The following UVSSA variants were observed in gnomAD, a reference collection of about 807,000 sequenced individuals.
UVSSA encodes UV-stimulated scaffold protein A.
UVSSA carries 72 observed loss-of-function variants against 73.9 expected under a neutral mutation model. That is an observed-to-expected ratio of 0.97 (90% CI 0.81 to 1.19). The LOEUF (loss-of-function observed/expected upper bound fraction) is 1.19. Ranked by LOEUF, UVSSA falls within the 50% of genes most tolerant of loss-of-function variation. The pLI is 0.00. For synonymous variants in UVSSA, 454 were observed against 391.3 expected (o/e 1.16, Z -1.89); for missense variants, 1,150 against 965.0 (o/e 1.19, Z -2.54).
chr4:1,373,636 G>A (rs1023855100), intron 8 of UVSSA, among the ~76,000 whole-genome samples: 1 of 152,154 alleles, frequency 6.6e-6, no homozygotes, highest in African/African-American at 2.4e-5. Context: ...CTCTCAGTGA[G>A]CCTTCCAATT....
At chr4:1,380,340 A>G in intron 11 of UVSSA, 110 bp downstream of exon 11, 4 of 1,343,026 alleles carry the variant, frequency 3.0e-6, no homozygotes, top group Non-Finnish European at 4.0e-6. Flanking sequence ...GCTTGTGAGC[A>G]CTGAGAAGCC....
chr4:1,343,702 G>A (rs1713510690), upstream of UVSSA, among the ~76,000 whole-genome samples: 2 of 152,000 alleles, frequency 1.3e-5, no homozygotes, highest in African/African-American at 2.4e-5. Flanking sequence ...CAGGAAAATC[G>A]CTTGAACCCA....
rs115526014 is a variant in UVSSA, at chr4:1,365,539, G to A, written c.1177-781G>A. Among the ~76,000 whole-genome samples, 410 of 152,342 alleles carry A rather than the reference G, an allele frequency of 2.7e-3. 1 individual carries two copies. Among genetic ancestry groups the A allele is most frequent in the African/African-American group, 9.4e-3 (392 of 41,572 alleles). On this transcript the variant is annotated intron_variant, in intron 7 of 13. Coordinates refer to ENST00000389851, the MANE Select transcript of UVSSA (RefSeq NM_020894.4). ...AGCTCCTCAATGGGAGGAGGGAGGCGGGGGTGGCACGAGGGCTCTCCAGAC... is the reference window on the plus strand; with the variant it reads ...AGCTCCTCAATGGGAGGAGGGAGGCAGGGGTGGCACGAGGGCTCTCCAGAC...
chr4:1,350,703 G>T (rs1261694812), intron 3 of UVSSA, among the ~76,000 whole-genome samples: 1 of 151,726 alleles, frequency 6.6e-6, no homozygotes, highest in Non-Finnish European at 1.5e-5. Flanking sequence ...GCCGAGGCTG[G>T]TGGATCACCT....
chr4:1,376,762 C>T (rs1718820945), intron 10 of UVSSA, among the ~76,000 whole-genome samples: 1 of 152,212 alleles, frequency 6.6e-6, no homozygotes, highest in African/African-American at 2.4e-5. Context: ...GCGCCTGCCA[C>T]AGCTCGCTGG....
At chr4:1,370,870 AG>A (rs2109232535) in intron 8 of UVSSA, among the ~76,000 whole-genome samples, 1 of 152,318 alleles carries the variant, frequency 6.6e-6, no homozygotes, top group South Asian at 2.1e-4. Flanking sequence ...TCTGCAACTC[AG>A]GGACGGGGTC....
At chr4:1,359,435 G>A (rs1716295703) in intron 7 of UVSSA, 1 of 152,204 alleles carries the variant, frequency 6.6e-6, no homozygotes, top group South Asian at 2.1e-4. Flanking sequence ...GTTGCCTGCT[G>A]CCAAATTACA....
Position 1,376,204 on chromosome 4 carries a change from A to T in UVSSA, c.1568+36A>T, listed in dbSNP as rs201086180. The T allele has an allele frequency of 2.5e-6, 4 of 1,583,432 alleles. No individual in the cohort carries two copies. In the East Asian group the frequency reaches 9.1e-5, roughly 36 times the overall value. ...ATGTGTCTGAAGTCGGCCAGGGCAC[A>T]CAACCAGGGTCCCAGCCTGAGGAGG... is the stretch of plus-strand genomic sequence containing the variant. On this transcript the variant is annotated intron_variant, in intron 10 of 13. Coordinates refer to ENST00000389851, the MANE Select transcript of UVSSA (RefSeq NM_020894.4).
chr4:1,379,630 A>AGCCCCAGACAC (rs1719201993), intron 10 of UVSSA, among the ~76,000 whole-genome samples: 1 of 152,124 alleles, frequency 6.6e-6, no homozygotes, highest in Admixed American at 6.5e-5. Context: ...TGGAAGGACG[A>AGCCCCAGACAC]CCTTCATGTG....
chr4:1,361,410 A>C (rs371145644), intron 7 of UVSSA, among the ~76,000 whole-genome samples: 1 of 152,238 alleles, frequency 6.6e-6, no homozygotes, highest in Non-Finnish European at 1.5e-5. Flanking sequence ...ATGAGTGTAG[A>C]TTTTATAGTA....
At chr4:1,345,064 G>T (rs996140586), upstream of UVSSA, among the ~76,000 whole-genome samples, 1 of 152,160 alleles carries the variant, frequency 6.6e-6, no homozygotes. Flanking sequence ...TTGTGTAGAG[G>T]AATCCTGTGA....
At chr4:1,382,887 G>A (rs777324683) in intron 12 of UVSSA, among the ~76,000 whole-genome samples, 1 of 152,200 alleles carries the variant, frequency 6.6e-6, no homozygotes, top group Non-Finnish European at 1.5e-5. Flanking sequence ...TGTAGCATTG[G>A]TGCCTGGCCC....
chr4:1,354,524 G>C (rs1715351679), intron 5 of UVSSA: 1 of 577,180 alleles, frequency 1.7e-6, no homozygotes, highest in Admixed American at 3.0e-5. Context: ...CGTGTGAGGG[G>C]AGGCTTTGGT....
chr4:1,384,690 GGT>G (rs923855416), intron 13 of UVSSA: 28 of 152,456 alleles, frequency 1.8e-4, no homozygotes, highest in African/African-American at 5.5e-4. Context: ...AGGTTTGTCT[GGT>G]AGCACCAGTG....
intron 7 of UVSSA, among the ~76,000 whole-genome samples, chr4:1,361,927 G>A (rs535481969): frequency 1.3e-5 from 2 of 151,430 alleles, no homozygotes; most frequent in Admixed American, 6.6e-5. Flanking sequence ...TGGGTGAAAA[G>A]TAATTGAGAC....
At chr4:1,368,744 G>A (rs1379191829) in intron 8 of UVSSA, among the ~76,000 whole-genome samples, 1 of 152,266 alleles carries the variant, frequency 6.6e-6, no homozygotes, top group African/African-American at 2.4e-5. Context: ...TGGTTGTGAA[G>A]GCACCTCCAG....
At position 1,380,936 on chromosome 4, in the gene UVSSA, G is replaced by A. The variant is rs769331596; in HGVS notation, c.1809G>A (p.Pro603=). The A allele has an allele frequency of 1.2e-5, 20 of 1,612,908 alleles. No individual in the cohort carries two copies. In the Admixed American group the frequency reaches 1.7e-4, roughly 13 times the overall value. The change falls in exon 12 of 14, where the codon CCG becomes CCA. Residue 603 remains proline (P), a synonymous_variant. Coordinates refer to ENST00000389851, the MANE Select transcript of UVSSA (RefSeq NM_020894.4). ...PRDDEGRPLD[P]EDRAREQRRQ... is the part of the protein sequence containing the mutation. ...ACGACGAAGGACGGCCGCTCGACCC[G>A]GAAGACAGGGCTCGTGAGCAGCGGC...
intron 10 of UVSSA, among the ~76,000 whole-genome samples, chr4:1,379,101 C>G (rs1038270126): frequency 2.0e-5 from 3 of 151,824 alleles, no homozygotes; most frequent in Admixed American, 1.3e-4. Context: ...CTCTGCTCCT[C>G]CAGCATCCTC....
intron 7 of UVSSA, chr4:1,366,068 T>G: frequency 3.3e-6 from 1 of 302,110 alleles, no homozygotes; most frequent in Non-Finnish European, 6.1e-6. Flanking sequence ...TCAGCCAGGG[T>G]TACAGTTCGT....
Sources: gnomAD v4.1 joint callset for allele counts (sites outside exome capture counted in the v4.1 genomes callset) on GRCh38, gnomAD v4.1.1 for gene constraint, MANE v1.5 for transcripts, NCBI Gene and HGNC (gene_info 2026-07-23, HGNC 2026-07-21) for gene names.